The following RAD50 variants were observed in gnomAD, a reference collection of about 807,000 sequenced individuals.
RAD50 encodes the protein RAD50 double strand break repair protein.
Under a neutral mutation model 168.8 loss-of-function variants are expected in RAD50, and 132 were observed. The observed-to-expected ratio is 0.78, with a 90% CI of 0.68 to 0.90. RAD50 has a LOEUF of 0.90. RAD50 is among the 40% of genes least tolerant of loss of function. The pLI is 0.00. For missense variants in RAD50, 1,347 were observed against 1,534.4 expected (o/e 0.88, Z 2.04); for synonymous variants, 525 against 497.4 (o/e 1.06, Z -0.74).
intron 2 of RAD50, among the ~76,000 whole-genome samples, chr5:132,573,295 C>T (rs1319851892): frequency 6.6e-6 from 1 of 152,162 alleles, no homozygotes; most frequent in Non-Finnish European, 1.5e-5. Flanking sequence ...CTTACAGTTC[C>T]ACGTGGCTGG....
chr5:132,640,908 C>T (rs542240133), intron 24 of RAD50, 103 bp downstream of exon 24: 1 of 1,573,220 alleles, frequency 6.4e-7, no homozygotes, highest in African/African-American at 1.3e-5. Flanking sequence ...TGAAAACGTT[C>T]TCTAGCTGTG....
intron 5 of RAD50, among the ~76,000 whole-genome samples, chr5:132,585,457 A>G (rs922317667): frequency 6.6e-6 from 1 of 152,022 alleles, no homozygotes; most frequent in Non-Finnish European, 1.5e-5. Context: ...CAGTCAATTG[A>G]TTATTGATTT....
intron 16 of RAD50, 83 bp from the exon 17 acceptor site, chr5:132,608,532 G>T (rs1751022727): frequency 3.4e-5 from 41 of 1,211,148 alleles, no homozygotes; most frequent in Non-Finnish European, 4.6e-5. Context: ...CATAGAAAGT[G>T]CTTTTATTAA....
intron 21 of RAD50, among the ~76,000 whole-genome samples, chr5:132,625,784 T>A (rs1310550035): frequency 6.6e-6 from 1 of 152,238 alleles, no homozygotes; most frequent in African/African-American, 2.4e-5. Flanking sequence ...AAAGTTTGTC[T>A]TTCTGTGCCT....
chr5:132,565,393 A>C (rs1275371191), intron 2 of RAD50, among the ~76,000 whole-genome samples: 1 of 152,142 alleles, frequency 6.6e-6, no homozygotes, highest in Admixed American at 6.5e-5. Context: ...TCATCGTTGC[A>C]TCAGGGCCCT....
At chr5:132,559,207 T>C (rs1278399952) in intron 1 of RAD50, 77 bp from the exon 2 acceptor site, 4 of 1,314,098 alleles carry the variant, frequency 3.0e-6, no homozygotes, top group Non-Finnish European at 4.2e-6. Context: ...AATAATATTT[T>C]TGTAATGAAT....
chr5:132,565,930 C>T (rs1328979159), intron 2 of RAD50, among the ~76,000 whole-genome samples: 1 of 152,188 alleles, frequency 6.6e-6, no homozygotes, highest in Non-Finnish European at 1.5e-5. Context: ...TCTCAGCCTA[C>T]TCAAGCTCAT....
intron 5 of RAD50, among the ~76,000 whole-genome samples, chr5:132,586,433 C>T (rs2522397): frequency 0.12 from 17,926 of 152,104 alleles, 3,404 homozygotes; most frequent in African/African-American, 0.4. Flanking sequence ...GTGACTGTTG[C>T]TCTTGGTAAA....
intron 20 of RAD50, among the ~76,000 whole-genome samples, 162 bp from the exon 21 acceptor site, chr5:132,617,908 A>G (rs1751204867): frequency 6.6e-6 from 1 of 152,202 alleles, no homozygotes; most frequent in Non-Finnish European, 1.5e-5. Context: ...GGTTTTCTTT[A>G]GTACCAAAGC....
chr5:132,642,099 C>A, intron 24 of RAD50, 79 bp from the exon 25 acceptor site: 2 of 1,446,798 alleles, frequency 1.4e-6, no homozygotes, highest in South Asian at 1.2e-5. Context: ...ATGTGTCTGA[C>A]AAGGTTTGCG....
At chr5:132,576,771 C>T (rs140759797) in intron 3 of RAD50, among the ~76,000 whole-genome samples, 30 of 152,200 alleles carry the variant, frequency 2.0e-4, no homozygotes, top group African/African-American at 7.0e-4. Flanking sequence ...CAGTCCCATT[C>T]GTCCTTTGAA....
In RAD50 at chr5:132,589,679, A is replaced by G. The variant is rs587782322; in HGVS notation, c.1294A>G (p.Ile432Val). ...TCTGAAACAAAAACAGATAGATGAG[A>G]TAAGAGATAAGAAAACTGGACTGGG... is the stretch of plus-strand genomic sequence containing the variant. The part of the protein sequence containing the change: ...ETLKQKQIDE[I>V]RDKKTGLGRI... The change falls in exon 9 of 25, where the codon ATA becomes GTA. Residue 432 changes from isoleucine (I) to valine (V), a missense_variant. Around this residue, in one of 3 missense-constraint regions of RAD50, gnomAD observed 703 missense variants for 767.7 expected, o/e 0.92. Coordinates refer to ENST00000378823, the MANE Select transcript of RAD50 (RefSeq NM_005732.4). 2.5e-6 allele frequency: 4 copies of G among 1,610,978 alleles called. No homozygotes were observed. Among genetic ancestry groups the G allele is most frequent in the African/African-American group, 1.3e-5 (1 of 74,828 alleles).
rs1554098321 is a variant in RAD50 at position 132,589,736 on chromosome 5, A to C, written c.1351A>C (p.Ser451Arg). 1.9e-6 allele frequency: 3 copies of C among 1,613,422 alleles called. No individual in the cohort carries two copies. The highest frequency in any genetic ancestry group is 2.5e-6 in the Non-Finnish European group (3 of 1,179,534). ...AATTGAGTTAAAATCAGAAATCCTAAGTAAGAAGCAGAATGAGCTGAAAAA... is the reference window on the plus strand; with the variant it reads ...AATTGAGTTAAAATCAGAAATCCTACGTAAGAAGCAGAATGAGCTGAAAAA... ...RIIELKSEILSKKQNELKNVK... is the reference protein window; with the variant it reads ...RIIELKSEILRKKQNELKNVK... The change falls in exon 9 of 25, where the codon AGT (serine) becomes CGT (arginine). Residue 451 changes from serine (S) to arginine (R), a missense_variant. Ser to Arg is a moderately radical substitution (Grantham distance 110, BLOSUM62 -1). Transcript: ENST00000378823.
At chr5:132,586,357 G>A (rs1199722650) in intron 5 of RAD50, among the ~76,000 whole-genome samples, 3 of 152,178 alleles carry the variant, frequency 2.0e-5, no homozygotes, top group Non-Finnish European at 4.4e-5. Flanking sequence ...GTGAGGATTA[G>A]AGAGAATTTA....
intron 5 of RAD50, among the ~76,000 whole-genome samples, chr5:132,586,346 T>C (rs927459337): frequency 6.6e-6 from 1 of 152,192 alleles, no homozygotes; most frequent in Admixed American, 6.5e-5. Context: ...TATATACTTT[T>C]GTGAGGATTA....
intron 4 of RAD50, 21 bp downstream of exon 4, chr5:132,579,523 C>T: frequency 1.3e-6 from 2 of 1,593,222 alleles, no homozygotes; most frequent in Non-Finnish European, 1.7e-6. Context: ...CTTAAATAGA[C>T]TTTGTAGTCC....
intron 8 of RAD50, 129 bp downstream of exon 8, chr5:132,589,009 A>G (rs1750648838): frequency 1.0e-6 from 1 of 1,002,646 alleles, no homozygotes; most frequent in African/African-American, 1.6e-5. Context: ...ATCTGCTACA[A>G]GGCAGAAAAA....
intron 21 of RAD50, among the ~76,000 whole-genome samples, chr5:132,628,362 T>C (rs1751403709): frequency 6.6e-6 from 1 of 152,192 alleles, no homozygotes. Context: ...TTAAAAGATG[T>C]GGTATCTTGA....
At chr5:132,560,670 C>T (rs574420588) in intron 2 of RAD50, among the ~76,000 whole-genome samples, 11 of 152,198 alleles carry the variant, frequency 7.2e-5, no homozygotes, top group Non-Finnish European at 1.5e-4. Context: ...CATGAACCAG[C>T]TCCTTGGAGG....
Sources: allele counts gnomAD v4.1 joint callset (sites outside exome capture counted in the v4.1 genomes callset), GRCh38; gene constraint gnomAD v4.1.1; regional missense constraint gnomAD v4.1.1; transcripts MANE v1.5; gene names NCBI Gene and HGNC (gene_info 2026-07-23, HGNC 2026-07-21).